Variants in ACKR2 observed in about 807,000 individuals in gnomAD.
ACKR2 encodes the protein C-C chemokine receptor D6.
For synonymous variants in ACKR2, 207 were observed against 192.2 expected, an observed-to-expected ratio of 1.08 and a Z score of -0.64; for missense variants, 457 against 477.3, an observed-to-expected ratio of 0.96 and a Z score of 0.40.
intron 2 of ACKR2, among the ~76,000 whole-genome samples, chr3:42,840,259 CAAAAA>C (rs34830187): frequency 6.9e-4 from 24 of 34,648 alleles, no homozygotes; most frequent in African/African-American, 2.2e-3. Flanking sequence ...GACTCCGTCT[CAAAAA>C]AAAAAAAAAA....
At chr3:42,851,524 A>C in intron 2 of ACKR2, 1 of 792,506 alleles carries the variant, frequency 1.3e-6, no homozygotes, top group Non-Finnish European at 1.5e-6. Context: ...GAGAGACTGA[A>C]CCCAGTGGCT....
intron 2 of ACKR2, chr3:42,841,501 C>T (rs1701037341): frequency 6.6e-6 from 1 of 152,188 alleles, no homozygotes; most frequent in Admixed American, 6.5e-5. Flanking sequence ...TAATTGTTGC[C>T]TCTGACTCCT....
At chr3:42,811,587 G>A (rs112552127) in intron 1 of ACKR2, among the ~76,000 whole-genome samples, 12 of 152,302 alleles carry the variant, frequency 7.9e-5, no homozygotes, top group African/African-American at 2.6e-4. Context: ...AGACCCAGCC[G>A]TCCTCCCCAG....
Position 42,865,238 on chromosome 3 carries a change from G to T in ACKR2, c.736G>T (p.Gly246Cys), listed in dbSNP as rs369814928. 7 of 1,614,192 alleles carry T rather than the reference G, an allele frequency of 4.3e-6. No homozygotes were observed. The highest frequency in any genetic ancestry group is 4.2e-6 in the Non-Finnish European group (5 of 1,180,044). ...VLVRLRPAGQ[G>C]RALKIAAALV... ...GGTGAGGCTGAGGCCCGCAGGCCAGGGCCGGGCTTTAAAAATAGCTGCAGC... is the reference window on the plus strand; with the variant it reads ...GGTGAGGCTGAGGCCCGCAGGCCAGTGCCGGGCTTTAAAAATAGCTGCAGC... Residue 246 changes from glycine to cysteine, a missense_variant, in exon 3 of 3, where the codon GGC becomes TGC. By Grantham distance (159) the Gly-to-Cys change is radical (BLOSUM62 -3). Coordinates refer to ENST00000422265, the MANE Select transcript of ACKR2 (RefSeq NM_001296.5).
intron 2 of ACKR2, among the ~76,000 whole-genome samples, chr3:42,862,153 A>G (rs2088391308): frequency 6.6e-6 from 1 of 152,246 alleles, no homozygotes; most frequent in Non-Finnish European, 1.5e-5. Context: ...GCTGATAAGC[A>G]ACTTCAGCAA....
chr3:42,816,924 A>T (rs1700756536), intron 1 of ACKR2, among the ~76,000 whole-genome samples: 1 of 152,086 alleles, frequency 6.6e-6, no homozygotes, highest in Non-Finnish European at 1.5e-5. Context: ...TGAAAAAAAA[A>T]TTTGGTAGAG....
intron 2 of ACKR2, among the ~76,000 whole-genome samples, chr3:42,854,509 C>T (rs558120431): frequency 3.3e-5 from 5 of 152,284 alleles, no homozygotes; most frequent in African/African-American, 9.6e-5. Flanking sequence ...GGGGTCGTCA[C>T]TTCCACCTCA....
In ACKR2 at chr3:42,864,580, C is replaced by G. The variant is rs770661964; in HGVS notation, c.78C>G (p.Asp26Glu). 4.3e-6 allele frequency: 7 copies of G among 1,614,178 alleles called. No individual in the cohort carries two copies. The highest frequency in any genetic ancestry group is 2.2e-5 in the South Asian group (2 of 91,068). ...DSENSSFYYY[D>E]YLDEVAFMLC... ...AGAATAGCAGCTTCTATTACTATGA[C>G]TACCTGGATGAAGTGGCCTTCATGC... Residue 26 changes from aspartate (D) to glutamate (E), a missense_variant, in exon 3 of 3, where the codon GAC becomes GAG. Asp to Glu is a conservative substitution (Grantham distance 45, BLOSUM62 2). Coordinates refer to ENST00000422265, the MANE Select transcript of ACKR2 (RefSeq NM_001296.5).
chr3:42,831,188 C>T (rs994398044), intron 2 of ACKR2, among the ~76,000 whole-genome samples: 9 of 152,056 alleles, frequency 5.9e-5, no homozygotes, highest in Non-Finnish European at 1.2e-4. Context: ...AGGTGAAATC[C>T]GAGACTGCCA....
At chr3:42,819,165 A>ATATG (rs1418676089) in intron 1 of ACKR2, among the ~76,000 whole-genome samples, 2 of 152,164 alleles carry the variant, frequency 1.3e-5, no homozygotes, top group Non-Finnish European at 2.9e-5. Context: ...TTGTTATTAA[A>ATATG]TATGTCTTTT....
At chr3:42,813,822 T>G (rs1700719500) in intron 1 of ACKR2, among the ~76,000 whole-genome samples, 1 of 152,240 alleles carries the variant, frequency 6.6e-6, no homozygotes, top group African/African-American at 2.4e-5. Context: ...TGTATTTTGT[T>G]TTTCAAGCTC....
intron 2 of ACKR2, among the ~76,000 whole-genome samples, chr3:42,859,043 C>T (rs1287955383): frequency 1.3e-5 from 2 of 152,092 alleles, no homozygotes; most frequent in Non-Finnish European, 2.9e-5. Context: ...ACCAAGCCTA[C>T]GTTTGATTGG....
chr3:42,819,578 C>T (rs963232305), intron 1 of ACKR2, 53 bp from the exon 2 acceptor site: 3 of 152,364 alleles, frequency 2.0e-5, no homozygotes, highest in African/African-American at 7.2e-5. Context: ...CCTTGGGTTA[C>T]AACCCCCCTG....
chr3:42,843,115 T>C (rs911900609), intron 2 of ACKR2, among the ~76,000 whole-genome samples: 3 of 151,778 alleles, frequency 2.0e-5, no homozygotes, highest in African/African-American at 7.3e-5. Context: ...CTCTCTGTTG[T>C]CCAGGCTGGA....
intron 2 of ACKR2, among the ~76,000 whole-genome samples, chr3:42,827,669 G>A (rs1393081915): frequency 2.0e-5 from 3 of 152,092 alleles, no homozygotes; most frequent in Non-Finnish European, 2.9e-5. Context: ...TACCAATGTA[G>A]GAAACCTTTA....
chr3:42,826,590 T>C (rs1352137485), intron 2 of ACKR2, among the ~76,000 whole-genome samples: 1 of 152,124 alleles, frequency 6.6e-6, no homozygotes, highest in Non-Finnish European at 1.5e-5. Context: ...TTCTCTCTCT[T>C]TTATTTCTGA....
At chr3:42,843,034 CTATTTATTTATTTATT>C (rs35357659) in intron 2 of ACKR2, among the ~76,000 whole-genome samples, 18 of 139,406 alleles carry the variant, frequency 1.3e-4, no homozygotes, top group South Asian at 9.1e-4. Flanking sequence ...TCATGTCTAG[CTATTTATTTATTTATT>C]TATTTATTTA....
At chr3:42,853,036 G>A (rs1233639124) in intron 2 of ACKR2, among the ~76,000 whole-genome samples, 1 of 152,112 alleles carries the variant, frequency 6.6e-6, no homozygotes, top group African/African-American at 2.4e-5. Context: ...ACACAGCAAT[G>A]ACTGGGATAA....
chr3:42,829,804 C>A lies in ACKR2; in HGVS notation c.-38+10093C>A, dbSNP rs146220685. On this transcript the variant is annotated intron_variant, in intron 2 of 2. Transcript: ENST00000422265. The stretch of plus-strand genomic sequence containing the variant: ...TGCCAACTGAGAGGCAAATGAGACA[C>A]AAAACAGAACATGGGAAAACTTGAA... Among the ~76,000 whole-genome samples the A allele has an allele frequency of 4.7e-4, 71 of 152,180 alleles. No individual in the cohort carries two copies. In the East Asian group the frequency reaches 0.012, roughly 26 times the overall value.
Sources: allele counts gnomAD v4.1 joint callset (sites outside exome capture counted in the v4.1 genomes callset), GRCh38; gene constraint gnomAD v4.1.1; transcripts MANE v1.5; gene names NCBI Gene and HGNC (gene_info 2026-07-23, HGNC 2026-07-21).